SUPT16H: variants seen among roughly 807,000 people sequenced by gnomAD.
SUPT16H encodes FACT complex subunit SPT16.
A neutral mutation model predicts 136.2 loss-of-function variants in SUPT16H; 24 were observed. The ratio of observed to expected loss-of-function variants is 0.18; its 90% CI spans 0.13 to 0.25. The LOEUF (loss-of-function observed/expected upper bound fraction) is 0.25. Ranked by LOEUF, SUPT16H falls within the 10% of genes least tolerant of loss-of-function variation. The pLI is 1.00. For synonymous variants in SUPT16H, 415 were observed against 428.2 expected (o/e 0.97, Z 0.38); for missense variants, 623 against 1,270.2 (o/e 0.49, Z 7.74).
At chr14:21,373,473 A>G (rs375911188) in intron 1 of SUPT16H, 43 bp from the exon 2 acceptor site, 85 of 1,380,036 alleles carry the variant, frequency 6.2e-5, no homozygotes, top group Non-Finnish European at 8.5e-5. Flanking sequence ...TCACACTAGC[A>G]AAACAGGAAT....
intron 22 of SUPT16H, among the ~76,000 whole-genome samples, chr14:21,355,199 T>C (rs1886400373): frequency 6.6e-6 from 1 of 152,034 alleles, no homozygotes. Flanking sequence ...AGTTAAGAAA[T>C]AGGGACAATT....
rs1886765325 is a variant in SUPT16H at position 21,370,605 on chromosome 14, T to C, written c.331-117A>G. The C allele has an allele frequency of 2.4e-5, 27 of 1,118,398 alleles. No homozygotes were observed. The South Asian group carries it at 4.2e-4, about 17-fold the overall frequency. 69.3% of individuals were successfully genotyped at this position (1,118,398 alleles called of 1,614,324 possible). On this transcript the variant is annotated intron_variant, in intron 3 of 25. Transcript: ENST00000216297. ...ACGGAAAAAATTAATTCTCCTCCCATCCCCACCTACTTTTTACTTTTAAAG... is the reference window on the plus strand; with the variant it reads ...ACGGAAAAAATTAATTCTCCTCCCACCCCCACCTACTTTTTACTTTTAAAG...
rs377653539 is a variant in SUPT16H at position 21,377,218 on chromosome 14, G to A, written c.67-3788C>T. ...ATGATCAAATAATGCACCATCCTAG[G>A]ACTGAAGAATATGAGCTTGAGACTA... On this transcript the variant is annotated intron_variant, in intron 1 of 25. Coordinates refer to ENST00000216297, the MANE Select transcript of SUPT16H (RefSeq NM_007192.4). Among the ~76,000 whole-genome samples, 3 of 152,220 alleles carry A rather than the reference G, an allele frequency of 2.0e-5. No individual in the cohort carries two copies. The East Asian group carries it at 5.8e-4, about 29-fold the overall frequency.
chr14:21,367,017 T>C (rs1886686079), intron 7 of SUPT16H, among the ~76,000 whole-genome samples: 1 of 152,152 alleles, frequency 6.6e-6, no homozygotes, highest in Non-Finnish European at 1.5e-5. Context: ...CCTACTTCAC[T>C]GCAAGCTCCA....
intron 20 of SUPT16H, 94 bp downstream of exon 20, chr14:21,358,221 G>GAT (rs1272819879): frequency 1.1e-6 from 1 of 879,726 alleles, no homozygotes; most frequent in African/African-American, 1.7e-5. Context: ...AGGAAAAAAG[G>GAT]ATATGATATG....
intron 2 of SUPT16H, 188 bp from the exon 3 acceptor site, chr14:21,372,232 C>A: frequency 1.7e-6 from 1 of 583,458 alleles, no homozygotes; most frequent in East Asian, 2.9e-5. Flanking sequence ...TTTATTAGAA[C>A]AGGACAATGG....
chr14:21,373,310 G>T, intron 2 of SUPT16H, 28 bp downstream of exon 2: 1 of 1,537,548 alleles, frequency 6.5e-7, no homozygotes, highest in South Asian at 1.1e-5. Context: ...ACAACTCTAA[G>T]AGCTAAAAAT....
chr14:21,363,221 T>C lies in SUPT16H; in HGVS notation c.1395+12A>G, dbSNP rs753195561. On this transcript the variant is annotated intron_variant, in intron 12 of 25. Transcript: ENST00000216297. ...CAGCCGAGATCAATGTAATTTAAAA[T>C]AGTAAACTTACTCTTGTTCTTTCTG... 4.3e-6 allele frequency: 7 copies of C among 1,614,060 alleles called. No individual in the cohort carries two copies. The South Asian group carries it at 7.7e-5, about 18-fold the overall frequency.
intron 1 of SUPT16H, among the ~76,000 whole-genome samples, chr14:21,374,628 G>A (rs994534816): frequency 6.6e-6 from 1 of 152,056 alleles, no homozygotes; most frequent in South Asian, 2.1e-4. Flanking sequence ...TGTTTTCAAG[G>A]CTCATCTGTG....
At chr14:21,363,602 C>T in intron 10 of SUPT16H, 99 bp from the exon 11 acceptor site, 1 of 1,016,022 alleles carries the variant, frequency 9.8e-7, no homozygotes, top group South Asian at 1.4e-5. Context: ...CTTTTGGACA[C>T]TAAAATGTTT....
At chr14:21,374,721 A>C (rs111271969) in intron 1 of SUPT16H, among the ~76,000 whole-genome samples, 9 of 152,188 alleles carry the variant, frequency 5.9e-5, no homozygotes, top group Admixed American at 5.9e-4. Flanking sequence ...CTATCCATTC[A>C]TCAGCTGCAG....
At chr14:21,363,637 T>C in intron 10 of SUPT16H, 134 bp from the exon 11 acceptor site, 2 of 772,066 alleles carry the variant, frequency 2.6e-6, no homozygotes, top group Admixed American at 5.6e-5. Context: ...ATAGTTTTTA[T>C]CCTTCTAACC....
At chr14:21,356,810 G>C (rs1886444553) in intron 22 of SUPT16H, among the ~76,000 whole-genome samples, 1 of 152,088 alleles carries the variant, frequency 6.6e-6, no homozygotes, top group South Asian at 2.1e-4. Flanking sequence ...AGCAGAAAAG[G>C]ATGCTTCAAA....
At position 21,363,305 on chromosome 14, in the gene SUPT16H, C is replaced by T. The variant is rs748052302; in HGVS notation, c.1323G>A (p.Glu441=). ...GGTCCTCTGCCTCATCTTTCTCCTCCTCCTCTTCTTCCTCATCTTCATTCT... is the reference window on the plus strand; with the variant it reads ...GGTCCTCTGCCTCATCTTTCTCCTCTTCCTCTTCTTCCTCATCTTCATTCT... ...FLKNEDEEEE[E]EEKDEAEDLL... The change falls in exon 12 of 26, where the codon GAG becomes GAA. Residue 441 remains glutamate (E), a synonymous_variant. Transcript: ENST00000216297. 6.2e-7 allele frequency: 1 copy of T among 1,611,268 alleles called. No homozygotes were observed. Among genetic ancestry groups the T allele is most frequent in the South Asian group, 1.1e-5 (1 of 90,790 alleles).
chr14:21,379,344 G>C (rs946249422), intron 1 of SUPT16H, among the ~76,000 whole-genome samples: 10 of 151,448 alleles, frequency 6.6e-5, no homozygotes, highest in Non-Finnish European at 7.4e-5. Flanking sequence ...GCTGAGACAC[G>C]AGAATTGCTT....
At chr14:21,359,758 G>T in intron 18 of SUPT16H, 149 bp from the exon 19 acceptor site, 1 of 911,632 alleles carries the variant, frequency 1.1e-6, no homozygotes, top group Non-Finnish European at 1.6e-6. Flanking sequence ...TGATGCTTGG[G>T]AATGGAAACA....
At chr14:21,362,037 G>A (rs1886567732) in intron 15 of SUPT16H, among the ~76,000 whole-genome samples, 160 bp downstream of exon 15, 1 of 152,300 alleles carries the variant, frequency 6.6e-6, no homozygotes, top group Non-Finnish European at 1.5e-5. Context: ...GATCCATCCT[G>A]AAAATAGTAC....
chr14:21,357,125 A>T, intron 22 of SUPT16H, 72 bp downstream of exon 22: 1 of 1,424,060 alleles, frequency 7.0e-7, no homozygotes, highest in Non-Finnish European at 9.3e-7. Context: ...TTTTATGCAC[A>T]ACATACCACA....
At chr14:21,355,909 CTTAA>C (rs1021151951) in intron 22 of SUPT16H, among the ~76,000 whole-genome samples, 17 of 152,296 alleles carry the variant, frequency 1.1e-4, no homozygotes, top group African/African-American at 4.1e-4. Flanking sequence ...ACTTTCCCAC[CTTAA>C]ACAACTACAA....
Sources: allele counts gnomAD v4.1 joint callset (sites outside exome capture counted in the v4.1 genomes callset), GRCh38; gene constraint gnomAD v4.1.1; transcripts MANE v1.5; gene names NCBI Gene and HGNC (gene_info 2026-07-23, HGNC 2026-07-21).